CLNK: variants seen among roughly 807,000 people sequenced by gnomAD.
CLNK encodes the protein cytokine dependent hematopoietic cell linker, also known as cytokine-dependent hematopoietic cell linker.
Under a neutral mutation model 68.6 loss-of-function variants are expected in CLNK, and 74 were observed. That is an observed-to-expected ratio of 1.08 (90% CI 0.89 to 1.31). The LOEUF (loss-of-function observed/expected upper bound fraction) is 1.31. Among genes scored for constraint, CLNK ranks in the 50% most tolerant of loss-of-function variants. The pLI, the probability that CLNK is intolerant of heterozygous loss-of-function variation, is 0.00. For synonymous variants in CLNK, 198 were observed against 172.2 expected, an observed-to-expected ratio of 1.15 and a Z score of -1.17; for missense variants, 553 against 515.3, an observed-to-expected ratio of 1.07 and a Z score of -0.71.
intron 14 of CLNK, among the ~76,000 whole-genome samples, chr4:10,525,226 G>A (rs1425309380): frequency 1.3e-5 from 2 of 152,040 alleles, no homozygotes; most frequent in African/African-American, 2.4e-5. Flanking sequence ...CACCACACTC[G>A]GCTAATTTTT....
At chr4:10,627,652 G>C (rs1722726884) in intron 2 of CLNK, among the ~76,000 whole-genome samples, 2 of 152,044 alleles carry the variant, frequency 1.3e-5, no homozygotes, top group South Asian at 4.2e-4. Context: ...GCGTCTCTCT[G>C]TCTCCTCCTT....
chr4:10,534,412 G>T (rs902813050), intron 11 of CLNK, among the ~76,000 whole-genome samples: 2 of 152,104 alleles, frequency 1.3e-5, no homozygotes, highest in Non-Finnish European at 2.9e-5. Context: ...TAAATGTAAA[G>T]ATATTACCTT....
At chr4:10,519,242 G>C (rs1188592132) in intron 15 of CLNK, among the ~76,000 whole-genome samples, 1 of 152,200 alleles carries the variant, frequency 6.6e-6, no homozygotes, top group African/African-American at 2.4e-5. Context: ...TGGGGTGCTT[G>C]ACTGGACTCA....
chr4:10,524,622 C>G (rs917150724), intron 14 of CLNK, among the ~76,000 whole-genome samples: 5 of 152,186 alleles, frequency 3.3e-5, no homozygotes, highest in African/African-American at 1.2e-4. Flanking sequence ...ATGGGCAACA[C>G]TGGCTACTGA....
At chr4:10,685,638 G>T (rs73216742), upstream of CLNK, among the ~76,000 whole-genome samples, 3,994 of 152,224 alleles carry the variant, frequency 0.026, 82 homozygotes, top group Non-Finnish European at 0.039. Flanking sequence ...AAAGGTAGAA[G>T]TTTATATTTT....
chr4:10,593,628 T>G (rs1429410267), intron 3 of CLNK, among the ~76,000 whole-genome samples: 1 of 152,144 alleles, frequency 6.6e-6, no homozygotes, highest in Non-Finnish European at 1.5e-5. Flanking sequence ...CACTCCACCC[T>G]GGGTGGTAGC....
In CLNK at chr4:10,571,678, C is replaced by A. The variant is rs1720359813; in HGVS notation, c.150+63G>T. The A allele has an allele frequency of 8.2e-6, 11 of 1,341,732 alleles. No homozygotes were observed. In the Admixed American group the frequency reaches 1.6e-4, roughly 19 times the overall value. 83.1% of individuals were successfully genotyped at this position (1,341,732 alleles called of 1,614,324 possible). On this transcript the variant is annotated intron_variant, in intron 5 of 18. Coordinates refer to ENST00000226951, the MANE Select transcript of CLNK (RefSeq NM_052964.4). ...AAACATTTTACCCAGTATCTTGAATCAAATTCACCTGCTTTGCAATATTAA... is the reference window on the plus strand; with the variant it reads ...AAACATTTTACCCAGTATCTTGAATAAAATTCACCTGCTTTGCAATATTAA...
intron 2 of CLNK, among the ~76,000 whole-genome samples, chr4:10,640,074 C>T (rs1723249693): frequency 6.6e-6 from 1 of 152,206 alleles, no homozygotes; most frequent in African/African-American, 2.4e-5. Context: ...ACTTTCAACA[C>T]AATAAGTATG....
the CLNK span, among the ~76,000 whole-genome samples, chr4:10,695,860 G>A: frequency 6.6e-6 from 1 of 151,278 alleles, no homozygotes; most frequent in Non-Finnish European, 1.5e-5. Context: ...CACAATTAGA[G>A]CTTTTTTTTT....
chr4:10,502,000 T>C (rs770943804), intron 17 of CLNK, among the ~76,000 whole-genome samples: 2 of 152,222 alleles, frequency 1.3e-5, no homozygotes, highest in Non-Finnish European at 2.9e-5. Context: ...CTCATGAACT[T>C]AGCATGACCA....
intron 2 of CLNK, among the ~76,000 whole-genome samples, chr4:10,607,343 GAC>G (rs1721828707): frequency 6.6e-6 from 1 of 152,186 alleles, no homozygotes; most frequent in Non-Finnish European, 1.5e-5. Context: ...TGCCAGTGAA[GAC>G]ACAGTGGGTC....
intron 2 of CLNK, among the ~76,000 whole-genome samples, chr4:10,600,111 C>T (rs61795154): frequency 0.041 from 6,235 of 152,272 alleles, 183 homozygotes; most frequent in Middle Eastern, 0.099. Context: ...TCTCTCTCTG[C>T]CAAGTCATCC....
At position 10,527,938 on chromosome 4, in the gene CLNK, G is replaced by A. The variant is rs557132668; in HGVS notation, c.649+138C>T. 1.5e-4 allele frequency: 61 copies of A among 395,990 alleles called. No homozygotes were observed. In the South Asian group the frequency reaches 3.4e-3, roughly 22 times the overall value. 24.5% of individuals were successfully genotyped at this position (395,990 alleles called of 1,614,324 possible). A position where few individuals can be genotyped will look rare whatever the true frequency, so the allele number is the denominator to read the frequency against. On this transcript the variant is annotated intron_variant, in intron 13 of 18. Transcript: ENST00000226951. The stretch of plus-strand genomic sequence containing the variant: ...ATGTATGTGTGTGCATCAGGATCAC[G>A]TCATCGTTCACACACATACATCCCC...
chr4:10,567,608 C>A (rs1354635374), intron 5 of CLNK, among the ~76,000 whole-genome samples: 2 of 152,024 alleles, frequency 1.3e-5, no homozygotes, highest in Admixed American at 6.6e-5. Context: ...ATCTTGTGTG[C>A]TTCAAAAGAC....
At chr4:10,582,577 T>C (rs1178668597) in intron 4 of CLNK, among the ~76,000 whole-genome samples, 3 of 152,212 alleles carry the variant, frequency 2.0e-5, no homozygotes, top group Non-Finnish European at 4.4e-5. Flanking sequence ...GTTTATTTTA[T>C]GGAAAGCATT....
At position 10,564,854 on chromosome 4, in the gene CLNK, C is replaced by G. The variant is rs546256127; in HGVS notation, c.293-77G>C. 1.4e-5 allele frequency: 12 copies of G among 871,714 alleles called. No homozygotes were observed. In the African/African-American group the frequency reaches 1.8e-4, roughly 13 times the overall value. 54.0% of individuals were successfully genotyped at this position (871,714 alleles called of 1,614,324 possible). ...TACAATTTACAAAGTATTTGCACAT[C>G]TACAAACTCATTGGATCATTACAAC... On this transcript the variant is annotated intron_variant, in intron 6 of 18. Coordinates refer to ENST00000226951, the MANE Select transcript of CLNK (RefSeq NM_052964.4).
intron 11 of CLNK, among the ~76,000 whole-genome samples, chr4:10,533,841 A>G: frequency 6.6e-6 from 1 of 152,250 alleles, no homozygotes; most frequent in South Asian, 2.1e-4. Context: ...CATTTTAAAG[A>G]GTTTGAAGTG....
At chr4:10,726,242 C>G in the CLNK span, among the ~76,000 whole-genome samples, 1 of 152,140 alleles carries the variant, frequency 6.6e-6, no homozygotes, top group African/African-American at 2.4e-5. Context: ...CTGCCTCACG[C>G]CTCAGGTAGC....
chr4:10,509,164 A>G (rs1347667160), intron 16 of CLNK, among the ~76,000 whole-genome samples: 2 of 151,132 alleles, frequency 1.3e-5, no homozygotes, highest in African/African-American at 4.9e-5. Flanking sequence ...AGAGTTAGGT[A>G]CGTGACATCA....
Sources: gnomAD v4.1 joint callset for allele counts (sites outside exome capture counted in the v4.1 genomes callset) on GRCh38, gnomAD v4.1.1 for gene constraint, MANE v1.5 for transcripts, NCBI Gene and HGNC (gene_info 2026-07-23, HGNC 2026-07-21) for gene names.